Variants in TENT4B observed in about 807,000 individuals in gnomAD.
TENT4B encodes the protein terminal nucleotidyltransferase 4B.
Under a neutral mutation model 75.0 loss-of-function variants are expected in TENT4B, and 10 were observed. That is an observed-to-expected ratio of 0.13 (90% CI 0.08 to 0.23). The LOEUF is 0.23. TENT4B is among the 10% of genes least tolerant of loss of function. TENT4B has a pLI of 1.00. For synonymous variants in TENT4B, 350 were observed against 357.7 expected, an observed-to-expected ratio of 0.98 and a Z score of 0.24; for missense variants, 579 against 893.8, an observed-to-expected ratio of 0.65 and a Z score of 4.49.
At chr16:50,206,923 A>C (rs1596723060) in intron 1 of TENT4B, among the ~76,000 whole-genome samples, 1 of 149,338 alleles carries the variant, frequency 6.7e-6, no homozygotes, top group South Asian at 2.1e-4. Context: ...TTTTTTTTTA[A>C]CCTAAATTAC....
chr16:50,155,967 G>C (rs1233709558), intron 1 of TENT4B, among the ~76,000 whole-genome samples: 1 of 151,940 alleles, frequency 6.6e-6, no homozygotes, highest in East Asian at 1.9e-4. Context: ...TGATAAATTA[G>C]AAATTGTCCT....
intron 1 of TENT4B, among the ~76,000 whole-genome samples, chr16:50,195,921 T>C (rs1311208434): frequency 6.6e-6 from 1 of 152,242 alleles, no homozygotes; most frequent in East Asian, 1.9e-4. Context: ...AAGCATTATT[T>C]TGATAAAGTT....
Position 50,216,165 on chromosome 16 carries a change from G to A in TENT4B, c.900G>A (p.Glu300=). 6.2e-7 allele frequency: 1 copy of A among 1,613,946 alleles called. No homozygotes were observed. The highest frequency in any genetic ancestry group is 8.5e-7 in the Non-Finnish European group (1 of 1,179,862). The change falls in exon 4 of 12, where the codon GAG becomes GAA. Residue 300 remains glutamate (E), a synonymous_variant. Coordinates refer to ENST00000561678, the MANE Select transcript of TENT4B (RefSeq NM_001365324.3). ...TTCGGAAACACAAAGTCGCAGATGA[G>A]GATTCGGTGAAAGTTTTAGACAAAG... ...EALRKHKVAD[E]DSVKVLDKAT... is the part of the protein sequence containing the mutation.
At chr16:50,219,876 C>T (rs763844196) in intron 5 of TENT4B, among the ~76,000 whole-genome samples, 12 of 151,384 alleles carry the variant, frequency 7.9e-5, no homozygotes, top group East Asian at 3.9e-4. Flanking sequence ...CAGGCTAGAG[C>T]GCAGTGATCA....
At chr16:50,226,682 C>T (rs990267482) in intron 10 of TENT4B, among the ~76,000 whole-genome samples, 1 of 152,198 alleles carries the variant, frequency 6.6e-6, no homozygotes, top group African/African-American at 2.4e-5. Context: ...TCCCAAAGTG[C>T]TGGGATTACA....
At chr16:50,179,276 C>T (rs568944384) in intron 1 of TENT4B, among the ~76,000 whole-genome samples, 3 of 152,094 alleles carry the variant, frequency 2.0e-5, no homozygotes, top group Non-Finnish European at 4.4e-5. Flanking sequence ...GCAGGAGAAT[C>T]GCTTGAACCC....
At chr16:50,165,809 TTATC>T in intron 1 of TENT4B, among the ~76,000 whole-genome samples, 1 of 152,254 alleles carries the variant, frequency 6.6e-6, no homozygotes, top group African/African-American at 2.4e-5. Flanking sequence ...CACATTTTGT[TTATC>T]CATTCACCTG....
chr16:50,153,538 G>C lies in TENT4B; in HGVS notation c.-84G>C, dbSNP rs1426163144. On this transcript the variant is annotated 5_prime_UTR_variant, in exon 1 of 12. Transcript: ENST00000561678. ...AGCAGCGGCAGCAGCAGCAGCAGCC[G>C]AGGCCGGGCGTGCGCCTGAGGCGGC... 1 of 978,832 alleles carries C rather than the reference G, an allele frequency of 1.0e-6. No individual in the cohort carries two copies. The highest frequency in any genetic ancestry group is 1.2e-6 in the Non-Finnish European group (1 of 827,420). 60.6% of individuals were successfully genotyped at this position (978,832 alleles called of 1,614,324 possible). A position where few individuals can be genotyped will look rare whatever the true frequency, so the allele number is the denominator to read the frequency against.
intron 1 of TENT4B, among the ~76,000 whole-genome samples, chr16:50,187,646 C>T (rs1364945680): frequency 6.6e-6 from 1 of 152,116 alleles, no homozygotes; most frequent in East Asian, 1.9e-4. Flanking sequence ...TTTCCCATCA[C>T]TATTTGTTGA....
intron 2 of TENT4B, among the ~76,000 whole-genome samples, chr16:50,212,743 C>G (rs1459179560): frequency 6.6e-6 from 1 of 152,098 alleles, no homozygotes; most frequent in African/African-American, 2.4e-5. Context: ...TGGCAATGTC[C>G]GAGACATATT....
rs762925502 is a variant in TENT4B at position 50,153,769 on chromosome 16, G to GGCAGCA, written c.164_169dup (p.Ser55_Ser56dup). The GGCAGCA allele has an allele frequency of 1.4e-4, 160 of 1,120,256 alleles. No homozygotes were observed. In the African/African-American group the frequency reaches 2.0e-3, roughly 14 times the overall value. 69.4% of individuals were successfully genotyped at this position (1,120,256 alleles called of 1,614,324 possible). ...CAGCGGCGGCGCGAGCGGCGGCGGC[G>GGCAGCA]GCAGCAGCAGCAGCAGCAGCACGGC... On this transcript the variant is annotated inframe_insertion, in exon 1 of 12. Coordinates refer to ENST00000561678, the MANE Select transcript of TENT4B (RefSeq NM_001365324.3).
At chr16:50,166,212 G>A (rs926419473) in intron 1 of TENT4B, among the ~76,000 whole-genome samples, 2 of 151,750 alleles carry the variant, frequency 1.3e-5, no homozygotes, top group Non-Finnish European at 2.9e-5. Context: ...AGCCTCCCGA[G>A]TAGCTGGGAT....
intron 1 of TENT4B, among the ~76,000 whole-genome samples, chr16:50,172,674 C>T (rs546275174): frequency 3.3e-5 from 5 of 151,864 alleles, no homozygotes; most frequent in South Asian, 2.1e-4. Flanking sequence ...AACTAAGGTC[C>T]GTAATTTACT....
intron 11 of TENT4B, 60 bp downstream of exon 11, chr16:50,228,063 A>T: frequency 6.5e-7 from 1 of 1,548,212 alleles, no homozygotes; most frequent in South Asian, 1.2e-5. Context: ...AGAATTTCCC[A>T]CATGTAAATA....
chr16:50,196,787 A>C (rs370032949), intron 1 of TENT4B, among the ~76,000 whole-genome samples: 5 of 151,280 alleles, frequency 3.3e-5, no homozygotes, highest in African/African-American at 9.7e-5. Context: ...ATAGACAAAA[A>C]TTAGCTGGGT....
chr16:50,209,508 C>G (rs988334381), intron 1 of TENT4B, among the ~76,000 whole-genome samples: 1 of 152,146 alleles, frequency 6.6e-6, no homozygotes, highest in Non-Finnish European at 1.5e-5. Context: ...GGAAAACGTC[C>G]CCACTGGGAT....
chr16:50,224,491 C>T (rs2031959520), intron 7 of TENT4B, among the ~76,000 whole-genome samples, 166 bp from the exon 8 acceptor site: 1 of 152,088 alleles, frequency 6.6e-6, no homozygotes, highest in African/African-American at 2.4e-5. Context: ...CTGCATGATT[C>T]ACATATTCAG....
rs1012740522 is a variant in TENT4B at position 50,169,113 on chromosome 16, A to G, written c.638+14854A>G. Reference sequence around the variant, plus strand: ...CATATTTCCTCCATTGTCCCATAATAATTTTTAAAAGTTTGCTCAAATCAA... The same window carrying G: ...CATATTTCCTCCATTGTCCCATAATGATTTTTAAAAGTTTGCTCAAATCAA... On this transcript the variant is annotated intron_variant, in intron 1 of 11. Coordinates refer to ENST00000561678, the MANE Select transcript of TENT4B (RefSeq NM_001365324.3). 2.0e-5 allele frequency among the ~76,000 whole-genome samples: 3 copies of G among 152,222 alleles called. No homozygotes were observed. In the South Asian group the frequency reaches 6.2e-4, roughly 31 times the overall value.
At chr16:50,152,981 GGAAGCCGAGGCGGA>G (rs962770605), upstream of TENT4B, 5 of 1,514,602 alleles carry the variant, frequency 3.3e-6, no homozygotes, top group African/African-American at 7.1e-5. Context: ...TCAGCACCGG[GGAAGCCGAGGCGGA>G]GAAGCCGCGC....
Sources: gnomAD v4.1 joint callset for allele counts (sites outside exome capture counted in the v4.1 genomes callset) on GRCh38, gnomAD v4.1.1 for gene constraint, MANE v1.5 for transcripts, NCBI Gene and HGNC (gene_info 2026-07-23, HGNC 2026-07-21) for gene names.